NALCN: variants seen among roughly 807,000 people sequenced by gnomAD.
NALCN encodes the protein sodium leak channel NALCN.
In NALCN, 111 loss-of-function variants were observed where a neutral mutation model predicts 225.3. The observed-to-expected ratio is 0.49, with a 90% CI of 0.42 to 0.58. The LOEUF is 0.58. Among genes scored for constraint, NALCN ranks in the 20% least tolerant of loss-of-function variants. NALCN has a pLI of 0.00. For synonymous variants in NALCN, 764 were observed against 769.0 expected (o/e 0.99, Z 0.11); for missense variants, 1,378 against 2,202.4 (o/e 0.63, Z 7.49).
intron 18 of NALCN, among the ~76,000 whole-genome samples, chr13:101,114,235 T>G (rs561809909): frequency 1.3e-5 from 2 of 152,176 alleles, no homozygotes; most frequent in Admixed American, 1.3e-4. Flanking sequence ...ATTTCCCATA[T>G]GTAAAATGCA....
intron 17 of NALCN, among the ~76,000 whole-genome samples, chr13:101,134,922 C>A (rs113745503): frequency 6.6e-6 from 1 of 152,098 alleles, no homozygotes; most frequent in Non-Finnish European, 1.5e-5. Flanking sequence ...TGCCCGGGTG[C>A]GGAGACTCAC....
chr13:101,312,449 T>A (rs1365369997), intron 7 of NALCN, among the ~76,000 whole-genome samples: 8 of 151,856 alleles, frequency 5.3e-5, no homozygotes, highest in Non-Finnish European at 1.2e-4. Flanking sequence ...TTAATTGTGA[T>A]GTTAGGGTGT....
chr13:101,406,903 A>T (rs2047641675), intron 1 of NALCN, among the ~76,000 whole-genome samples: 1 of 152,176 alleles, frequency 6.6e-6, no homozygotes, highest in Non-Finnish European at 1.5e-5. Context: ...CATTTCCTAA[A>T]ATGACAGATT....
intron 40 of NALCN, among the ~76,000 whole-genome samples, chr13:101,062,613 C>CT (rs1356127549): frequency 6.6e-6 from 1 of 151,864 alleles, no homozygotes; most frequent in Non-Finnish European, 1.5e-5. Context: ...TTAATTTTTT[C>CT]TTTTTTTGAG....
At chr13:101,262,238 T>C (rs1330457266) in intron 10 of NALCN, among the ~76,000 whole-genome samples, 3 of 152,252 alleles carry the variant, frequency 2.0e-5, no homozygotes, top group Non-Finnish European at 4.4e-5. Flanking sequence ...TTATTTGTTT[T>C]ATCTACTTTA....
At position 101,232,116 on chromosome 13, in the gene NALCN, G is replaced by A. The variant is rs186337044; in HGVS notation, c.1435-2532C>T. On this transcript the variant is annotated intron_variant, in intron 12 of 43. Coordinates refer to ENST00000251127, the MANE Select transcript of NALCN (RefSeq NM_052867.4). ...AGAAAACCAGCTTAAGAATGACACC[G>A]ACACACCAACAGAAGAAAGGTAGGT... Among the ~76,000 whole-genome samples, 11 of 150,504 alleles carry A rather than the reference G, an allele frequency of 7.3e-5. No individual in the cohort carries two copies. The East Asian group carries it at 1.4e-3, about 19-fold the overall frequency.
intron 6 of NALCN, among the ~76,000 whole-genome samples, chr13:101,353,290 T>C (rs1001382634): frequency 2.0e-5 from 3 of 152,220 alleles, no homozygotes; most frequent in Admixed American, 2.0e-4. Flanking sequence ...TGCTAAAAGC[T>C]GACCCCTAGA....
chr13:101,138,389 T>A (rs2036907061), intron 17 of NALCN, among the ~76,000 whole-genome samples: 1 of 152,242 alleles, frequency 6.6e-6, no homozygotes, highest in South Asian at 2.1e-4. Flanking sequence ...TTGTGAAGGC[T>A]TATTAAAGAA....
At chr13:101,390,160 T>C (rs1317419087) in intron 3 of NALCN, among the ~76,000 whole-genome samples, 2 of 152,036 alleles carry the variant, frequency 1.3e-5, no homozygotes, top group Non-Finnish European at 2.9e-5. Flanking sequence ...ATGAAGACTA[T>C]AATCGAATAT....
chr13:101,273,373 A>G (rs1292430321), intron 10 of NALCN, among the ~76,000 whole-genome samples: 5 of 152,160 alleles, frequency 3.3e-5, no homozygotes, highest in African/African-American at 1.2e-4. Context: ...TTGGTGCTAA[A>G]AGAGTCAATT....
chr13:101,057,958 C>A lies in NALCN; in HGVS notation c.5004G>T (p.Gly1668=). 1 of 1,613,910 alleles carries A rather than the reference C, an allele frequency of 6.2e-7. No homozygotes were observed. Among genetic ancestry groups the A allele is most frequent in the East Asian group, 2.2e-5 (1 of 44,876 alleles). ...ADAGKPQRKF[G]QWRLPSAPKP... is the part of the protein sequence containing the mutation. Reference sequence around the variant, plus strand: ...ACCTACCTGAGGGCAGACGCCACTGCCCAAATTTCCTCTGGGGTTTCCCTG... The same window carrying A: ...ACCTACCTGAGGGCAGACGCCACTGACCAAATTTCCTCTGGGGTTTCCCTG... Residue 1668 remains glycine, a synonymous_variant, in exon 43 of 44, where the codon GGG becomes GGT. Transcript: ENST00000251127.
In NALCN at chr13:101,376,948, G is replaced by A; in HGVS notation, c.484C>T (p.Leu162=). The change falls in exon 5 of 44, where the codon CTG becomes TTG. Residue 162 remains leucine (L), a synonymous_variant. Coordinates refer to ENST00000251127, the MANE Select transcript of NALCN (RefSeq NM_052867.4). ...ATATTTGTAATTCTGGTCCTTGGCA[G>A]TTCAAATCGGAAATAAATCCGGAAT... ...RAFRIYFRFE[L]PRTRITNILK... 6.2e-7 allele frequency: 1 copy of A among 1,614,192 alleles called. No homozygotes were observed. Among genetic ancestry groups the A allele is most frequent in the Non-Finnish European group, 8.5e-7 (1 of 1,180,034 alleles).
intron 42 of NALCN, chr13:101,058,277 C>T: frequency 1.9e-6 from 1 of 515,152 alleles, no homozygotes; most frequent in Middle Eastern, 5.1e-4. Flanking sequence ...CTTCCTGGGA[C>T]ATCTTGTCCT....
At chr13:101,142,575 A>G (rs2037141153) in intron 17 of NALCN, among the ~76,000 whole-genome samples, 1 of 152,150 alleles carries the variant, frequency 6.6e-6, no homozygotes, top group African/African-American at 2.4e-5. Context: ...TTTCCCTTCT[A>G]CTTTTCAAAT....
intron 15 of NALCN, among the ~76,000 whole-genome samples, chr13:101,176,061 G>A (rs1350828476): frequency 6.6e-6 from 1 of 152,068 alleles, no homozygotes; most frequent in African/African-American, 2.4e-5. Context: ...ACTATACTCT[G>A]CCCATTTTAC....
At chr13:101,144,590 T>C (rs1594300191) in intron 16 of NALCN, among the ~76,000 whole-genome samples, 170 bp downstream of exon 16, 1 of 152,274 alleles carries the variant, frequency 6.6e-6, no homozygotes, top group African/African-American at 2.4e-5. Context: ...AGAGTCAAAG[T>C]TGTTTATTTA....
chr13:101,136,989 G>A (rs549251463), intron 17 of NALCN, among the ~76,000 whole-genome samples: 41 of 152,206 alleles, frequency 2.7e-4, no homozygotes, highest in East Asian at 1.4e-3. Flanking sequence ...TTTAATGATC[G>A]CCATTCTAAC....
intron 15 of NALCN, among the ~76,000 whole-genome samples, chr13:101,167,073 T>C (rs894807986): frequency 5.9e-5 from 9 of 152,204 alleles, no homozygotes; most frequent in African/African-American, 2.2e-4. Context: ...CACTGGTCTA[T>C]ATGTGTGCCT....
intron 3 of NALCN, among the ~76,000 whole-genome samples, chr13:101,393,502 T>C (rs1418615988): frequency 6.6e-6 from 1 of 152,044 alleles, no homozygotes; most frequent in Non-Finnish European, 1.5e-5. Context: ...CATAGGAAAA[T>C]TTTTTGCAGG....
Sources: allele counts gnomAD v4.1 joint callset (sites outside exome capture counted in the v4.1 genomes callset), GRCh38; gene constraint gnomAD v4.1.1; transcripts MANE v1.5; gene names NCBI Gene and HGNC (gene_info 2026-07-23, HGNC 2026-07-21).